Variants in NSL1 observed in about 807,000 individuals in gnomAD.
NSL1 encodes the protein NSL1 component of MIS12 kinetochore complex.
A neutral mutation model predicts 25.4 loss-of-function variants in NSL1; 11 were observed. The observed-to-expected ratio is 0.43, with a 90% CI of 0.27 to 0.72. The LOEUF is 0.72. Ranked by LOEUF, NSL1 falls within the 30% of genes least tolerant of loss-of-function variation. NSL1 has a pLI of 0.19. For synonymous variants in NSL1, 118 were observed against 120.6 expected, an observed-to-expected ratio of 0.98 and a Z score of 0.14; for missense variants, 330 against 342.7, an observed-to-expected ratio of 0.96 and a Z score of 0.29.
At chr1:212,763,994 A>T in intron 4 of NSL1, 1 of 437,030 alleles carries the variant, frequency 2.3e-6, no homozygotes, top group Non-Finnish European at 4.6e-6. Context: ...TCATCAGCAC[A>T]TGGAACAGTC....
intron 4 of NSL1, among the ~76,000 whole-genome samples, chr1:212,778,523 T>G (rs975701907): frequency 2.2e-4 from 34 of 152,262 alleles, no homozygotes; most frequent in East Asian, 7.7e-4. Flanking sequence ...CTCAGCCTGC[T>G]GAGTGCCTGC....
At chr1:212,766,651 A>G (rs1346050695) in intron 4 of NSL1, among the ~76,000 whole-genome samples, 1 of 151,584 alleles carries the variant, frequency 6.6e-6, no homozygotes, top group African/African-American at 2.4e-5. Context: ...ATCTTAAAAA[A>G]AAAAAAAAGA....
rs931170448 is a variant in NSL1 at position 212,761,342 on chromosome 1, G to C, written c.499+21030C>G. Among the ~76,000 whole-genome samples the C allele has an allele frequency of 2.8e-4, 43 of 152,128 alleles. 1 individual carries two copies. The highest frequency in any genetic ancestry group is 1.0e-3 in the African/African-American group (42 of 41,420). ...AGGTGTGTGCATCACCTGAACCTTG[G>C]AGTTCGAGACCAGCCTGGGCAACGT... On this transcript the variant is annotated intron_variant, in intron 4 of 5. Transcript: ENST00000366977.
In NSL1 at chr1:212,728,254, G is replaced by A. The variant is rs1657869111; in HGVS notation, c.*10154C>T. 7 of 963,622 alleles carry A rather than the reference G, an allele frequency of 7.3e-6. No individual in the cohort carries two copies. In the African/African-American group the frequency reaches 1.2e-4, roughly 17 times the overall value. 59.7% of individuals were successfully genotyped at this position (963,622 alleles called of 1,614,324 possible). On this transcript the variant is annotated 3_prime_UTR_variant, in exon 6 of 6. Coordinates refer to ENST00000366977, the MANE Select transcript of NSL1 (RefSeq NM_015471.4). Reference sequence around the variant, plus strand: ...TATTGATATTACCTTCAGCAAATAAGTTGATAACATTATATATGTAAACAT... The same window carrying A: ...TATTGATATTACCTTCAGCAAATAAATTGATAACATTATATATGTAAACAT...
intron 4 of NSL1, among the ~76,000 whole-genome samples, chr1:212,758,121 A>C (rs2456818): frequency 0.2 from 29,872 of 152,196 alleles, 3,938 homozygotes; most frequent in Admixed American, 0.41. Flanking sequence ...TCATACAAGC[A>C]AGAAAAAGCA....
chr1:212,773,715 A>G (rs1659599609), intron 4 of NSL1, among the ~76,000 whole-genome samples: 1 of 152,188 alleles, frequency 6.6e-6, no homozygotes, highest in South Asian at 2.1e-4. Context: ...CAAAATCAGT[A>G]TATCTAGGCA....
chr1:212,745,654 C>A (rs887007802), intron 4 of NSL1, among the ~76,000 whole-genome samples: 12 of 149,512 alleles, frequency 8.0e-5, no homozygotes, highest in Admixed American at 7.9e-4. Context: ...GAAATTAAGA[C>A]ATTTCCAGAT....
intron 4 of NSL1, among the ~76,000 whole-genome samples, chr1:212,744,053 G>GT (rs1658631512): frequency 6.6e-6 from 1 of 152,202 alleles, no homozygotes; most frequent in Non-Finnish European, 1.5e-5. Context: ...ACATTGAAAG[G>GT]TAACGAAGCA....
At chr1:212,764,962 T>A (rs1659739105) in intron 4 of NSL1, among the ~76,000 whole-genome samples, 1 of 150,532 alleles carries the variant, frequency 6.6e-6, no homozygotes, top group Non-Finnish European at 1.5e-5. Context: ...AACACCTTTA[T>A]GTGCACAAAC....
chr1:212,766,135 C>CAAAA (rs773995954), intron 4 of NSL1: 75 of 281,950 alleles, frequency 2.7e-4, no homozygotes, highest in South Asian at 3.9e-4. Flanking sequence ...GACTCCATCT[C>CAAAA]AAAAAAAAAA....
At chr1:212,772,376 T>C (rs1453108237) in intron 4 of NSL1, among the ~76,000 whole-genome samples, 2 of 152,102 alleles carry the variant, frequency 1.3e-5, no homozygotes, top group Admixed American at 1.3e-4. Context: ...AAAGCAATCC[T>C]AGGCCAGGTA....
intron 4 of NSL1, among the ~76,000 whole-genome samples, chr1:212,743,580 C>T (rs1658610022): frequency 6.6e-6 from 1 of 151,420 alleles, no homozygotes; most frequent in Non-Finnish European, 1.5e-5. Context: ...CTTGTATATA[C>T]AATCTTTAAA....
At chr1:212,740,491 G>A (rs79619565) in intron 4 of NSL1, among the ~76,000 whole-genome samples, 3,257 of 149,738 alleles carry the variant, frequency 0.022, 58 homozygotes, top group Non-Finnish European at 0.034. Context: ...TTTTTTTTTT[G>A]TACCAGAAAT....
intron 4 of NSL1, among the ~76,000 whole-genome samples, chr1:212,778,108 CAGA>C (rs977756191): frequency 6.6e-6 from 1 of 152,098 alleles, no homozygotes; most frequent in African/African-American, 2.4e-5. Flanking sequence ...AGGAGCTTGA[CAGA>C]AGAAGGAATC....
At position 212,791,750 on chromosome 1, in the gene NSL1, G is replaced by A. The variant is rs776572288; in HGVS notation, c.14C>T (p.Pro5Leu). MAGS[P>L]ELVVLDPPWD... ...TGGAGGGTCAAGGACCACCAACTCA[G>A]GAGACCCCGCCATTTTTCGTCGGAA... The change falls in exon 1 of 6, where the codon CCT becomes CTT. Residue 5 changes from proline (P) to leucine (L), a missense_variant. Coordinates refer to ENST00000366977, the MANE Select transcript of NSL1 (RefSeq NM_015471.4). The A allele has an allele frequency of 1.2e-5, 19 of 1,606,510 alleles. No homozygotes were observed. Among genetic ancestry groups the A allele is most frequent in the Non-Finnish European group, 1.4e-5 (16 of 1,175,636 alleles).
chr1:212,773,145 T>C (rs893063587), intron 4 of NSL1, among the ~76,000 whole-genome samples: 1 of 152,142 alleles, frequency 6.6e-6, no homozygotes, highest in African/African-American at 2.4e-5. Flanking sequence ...ATTTTACGGC[T>C]AGGACCTCAA....
intron 3 of NSL1, among the ~76,000 whole-genome samples, chr1:212,782,818 C>G (rs1042374726): frequency 2.6e-5 from 4 of 152,246 alleles, no homozygotes; most frequent in Non-Finnish European, 4.4e-5. Flanking sequence ...CATGAAAACT[C>G]AGTTCTAAAA....
chr1:212,732,881 T>C lies in NSL1; in HGVS notation c.*5527A>G, dbSNP rs1250737318. ...GTATAAAAGCCTAGGTTGTATATCATTTATGCTGAGAATATTTCTCCAGAT... is the reference window on the plus strand; with the variant it reads ...GTATAAAAGCCTAGGTTGTATATCACTTATGCTGAGAATATTTCTCCAGAT... On this transcript the variant is annotated 3_prime_UTR_variant, in exon 6 of 6. Transcript: ENST00000366977. Among the ~76,000 whole-genome samples, 1 of 152,234 alleles carries C rather than the reference T, an allele frequency of 6.6e-6. No individual in the cohort carries two copies. Among genetic ancestry groups the C allele is most frequent in the Non-Finnish European group, 1.5e-5 (1 of 68,044 alleles).
chr1:212,776,670 T>C (rs1330764151), intron 4 of NSL1, among the ~76,000 whole-genome samples: 2 of 150,570 alleles, frequency 1.3e-5, no homozygotes, highest in Admixed American at 6.6e-5. Flanking sequence ...GAAAATTCAC[T>C]CAACACAATG....
Sources: gnomAD v4.1 joint callset for allele counts (sites outside exome capture counted in the v4.1 genomes callset) on GRCh38, gnomAD v4.1.1 for gene constraint, MANE v1.5 for transcripts, NCBI Gene and HGNC (gene_info 2026-07-23, HGNC 2026-07-21) for gene names.